The following HS3ST4 variants were observed in gnomAD, a reference collection of about 807,000 sequenced individuals.
The protein encoded by HS3ST4 is heparan sulfate glucosamine 3-O-sulfotransferase 4.
In HS3ST4, 17 loss-of-function variants were observed where a neutral mutation model predicts 29.2. The observed-to-expected ratio is 0.58, with a 90% CI of 0.40 to 0.87. The LOEUF is 0.87. Among genes scored for constraint, HS3ST4 ranks in the 40% least tolerant of loss-of-function variants. The pLI, the probability that HS3ST4 is intolerant of heterozygous loss-of-function variation, is 0.00. For missense variants in HS3ST4, 627 were observed against 634.5 expected (o/e 0.99, Z 0.13); for synonymous variants, 314 against 285.7 (o/e 1.10, Z -1.00).
chr16:25,741,543 AGAT>A (rs1389504679), intron 1 of HS3ST4, among the ~76,000 whole-genome samples: 1 of 152,116 alleles, frequency 6.6e-6, no homozygotes. Context: ...ATCATCTATG[AGAT>A]GATAATAATG....
At chr16:25,846,455 G>C (rs1158414317) in intron 1 of HS3ST4, among the ~76,000 whole-genome samples, 1 of 151,752 alleles carries the variant, frequency 6.6e-6, no homozygotes, top group East Asian at 1.9e-4. Context: ...GATCTCTTGA[G>C]CCCAGGAGTT....
At chr16:25,805,503 A>G (rs2141626032) in intron 1 of HS3ST4, among the ~76,000 whole-genome samples, 1 of 152,064 alleles carries the variant, frequency 6.6e-6, no homozygotes. Flanking sequence ...TCCCGCCTCT[A>G]ATTTGATTGG....
intron 1 of HS3ST4, among the ~76,000 whole-genome samples, chr16:25,961,471 C>CT (rs1724924906): frequency 6.6e-6 from 1 of 152,194 alleles, no homozygotes; most frequent in South Asian, 2.1e-4. Flanking sequence ...TCATTCCTTT[C>CT]TAAAAAGTGT....
chr16:26,099,543 C>T (rs1898967714), intron 1 of HS3ST4, among the ~76,000 whole-genome samples: 1 of 152,156 alleles, frequency 6.6e-6, no homozygotes, highest in African/African-American at 2.4e-5. Context: ...GTAAACATTG[C>T]TCTCACAGTC....
intron 1 of HS3ST4, among the ~76,000 whole-genome samples, chr16:25,955,984 G>T (rs1048733871): frequency 6.6e-6 from 1 of 151,620 alleles, no homozygotes; most frequent in Non-Finnish European, 1.5e-5. Flanking sequence ...CTGGCTAAGT[G>T]TTTTGTATTT....
At chr16:25,818,941 G>A (rs1967121457) in intron 1 of HS3ST4, among the ~76,000 whole-genome samples, 1 of 152,088 alleles carries the variant, frequency 6.6e-6, no homozygotes. Flanking sequence ...TTATTTCAAA[G>A]AACTGTGCTG....
chr16:25,993,284 G>C (rs1362060731), intron 1 of HS3ST4, among the ~76,000 whole-genome samples: 1 of 152,124 alleles, frequency 6.6e-6, no homozygotes, highest in Non-Finnish European at 1.5e-5. Flanking sequence ...TGGGCTGAGA[G>C]TATAGTAGGG....
chr16:25,859,716 C>T (rs1390830780), intron 1 of HS3ST4, among the ~76,000 whole-genome samples: 1 of 152,114 alleles, frequency 6.6e-6, no homozygotes, highest in Non-Finnish European at 1.5e-5. Context: ...TAAAAGACAC[C>T]TCACCAAAGA....
At chr16:25,727,142 G>A (rs1185154544) in intron 1 of HS3ST4, among the ~76,000 whole-genome samples, 1 of 152,098 alleles carries the variant, frequency 6.6e-6, no homozygotes, top group African/African-American at 2.4e-5. Context: ...CTATTACTCA[G>A]CATTGTTTGC....
chr16:25,775,336 G>A (rs139320895), intron 1 of HS3ST4, among the ~76,000 whole-genome samples: 30 of 152,294 alleles, frequency 2.0e-4, no homozygotes, highest in African/African-American at 6.5e-4. Context: ...GACAGCACGT[G>A]ACTACAGAAT....
At chr16:26,115,266 T>TGTATATGTATATGTATATACATATATAC (rs1555484852) in intron 1 of HS3ST4, among the ~76,000 whole-genome samples, 14 of 148,484 alleles carry the variant, frequency 9.4e-5, no homozygotes, top group Non-Finnish European at 1.9e-4. Flanking sequence ...TACATATATA[T>TGTATATGTATATGTATATACATATATAC]ACACACACAC....
chr16:25,822,005 G>A (rs1386899881), intron 1 of HS3ST4, among the ~76,000 whole-genome samples: 2 of 152,140 alleles, frequency 1.3e-5, no homozygotes, highest in African/African-American at 4.8e-5. Flanking sequence ...CTGGCTTTCT[G>A]CATCTACTTG....
At chr16:26,010,495 G>A (rs1231053147) in intron 1 of HS3ST4, among the ~76,000 whole-genome samples, 1 of 151,944 alleles carries the variant, frequency 6.6e-6, no homozygotes, top group African/African-American at 2.4e-5. Flanking sequence ...AAATGAAAAT[G>A]TAATTTTTAA....
intron 1 of HS3ST4, among the ~76,000 whole-genome samples, chr16:25,909,559 GAGATAC>G (rs1968215463): frequency 6.6e-6 from 1 of 152,152 alleles, no homozygotes; most frequent in Admixed American, 6.5e-5. Context: ...CTTATCCAAA[GAGATAC>G]AGTTGGGAGG....
intron 1 of HS3ST4, among the ~76,000 whole-genome samples, chr16:25,755,708 G>T (rs1966753302): frequency 6.6e-6 from 1 of 152,192 alleles, no homozygotes; most frequent in South Asian, 2.1e-4. Flanking sequence ...GGAAAAATCA[G>T]AAAATTTGGC....
At chr16:25,988,435 AG>A (rs1480702502) in intron 1 of HS3ST4, among the ~76,000 whole-genome samples, 5 of 152,170 alleles carry the variant, frequency 3.3e-5, no homozygotes, top group Non-Finnish European at 7.4e-5. Flanking sequence ...TCTGAGCCAG[AG>A]GCTTTCTACT....
intron 1 of HS3ST4, among the ~76,000 whole-genome samples, chr16:26,078,859 T>A (rs190412280): frequency 6.6e-6 from 1 of 152,256 alleles, no homozygotes; most frequent in East Asian, 1.9e-4. Context: ...GCTGAATGAA[T>A]CTCTAACAGG....
chr16:25,902,731 G>A lies in HS3ST4; in HGVS notation c.734+209580G>A, dbSNP rs73515367. Among the ~76,000 whole-genome samples the A allele has an allele frequency of 2.2e-3, 334 of 152,030 alleles. 2 individuals carry two copies. The highest frequency in any genetic ancestry group is 7.6e-3 in the African/African-American group (317 of 41,446). ...GAACCCATAAAATCACAAGAAAGCGGCAATGTGGTGGTTCTAGGCAAATGG... is the reference window on the plus strand; with the variant it reads ...GAACCCATAAAATCACAAGAAAGCGACAATGTGGTGGTTCTAGGCAAATGG... On this transcript the variant is annotated intron_variant, in intron 1 of 1. Transcript: ENST00000331351.
intron 1 of HS3ST4, among the ~76,000 whole-genome samples, chr16:25,864,610 T>C (rs138935145): frequency 1.3e-5 from 2 of 152,106 alleles, no homozygotes; most frequent in African/African-American, 4.8e-5. Flanking sequence ...GGGTTCCACA[T>C]TGTAAAATTC....
Sources: gnomAD v4.1 joint callset for allele counts (sites outside exome capture counted in the v4.1 genomes callset) on GRCh38, gnomAD v4.1.1 for gene constraint, MANE v1.5 for transcripts, NCBI Gene and HGNC (gene_info 2026-07-23, HGNC 2026-07-21) for gene names.